The following SRXN1 variants were observed in gnomAD, a reference collection of about 807,000 sequenced individuals.
SRXN1 encodes sulfiredoxin 1, also known as sulfiredoxin-1.
A neutral mutation model predicts 11.0 loss-of-function variants in SRXN1; 11 were observed. That is an observed-to-expected ratio of 1.00 (90% CI 0.63 to 1.65). SRXN1 has a LOEUF of 1.65. Among genes scored for constraint, SRXN1 ranks in the 40% most tolerant of loss-of-function variants. The pLI, the probability that SRXN1 is intolerant of heterozygous loss-of-function variation, is 0.00. For synonymous variants in SRXN1, 106 were observed against 92.8 expected, an observed-to-expected ratio of 1.14 and a Z score of -0.82; for missense variants, 211 against 194.5, an observed-to-expected ratio of 1.08 and a Z score of -0.50.
At position 648,897 on chromosome 20, in the gene SRXN1, G is replaced by T; in HGVS notation, c.231C>A (p.Pro77=). ...DTIREDPDSV[P]PIDVLWIKGA... is the part of the protein sequence containing the mutation. ...CTTTGATCCAGAGGACATCGATGGGGGGCACGCTGTCTGGGTCCTCCTGGG... is the reference window on the plus strand; with the variant it reads ...CTTTGATCCAGAGGACATCGATGGGTGGCACGCTGTCTGGGTCCTCCTGGG... Residue 77 remains proline, a synonymous_variant, in exon 2 of 2, where the codon CCC becomes CCA. Transcript: ENST00000381962. 1 of 1,614,154 alleles carries T rather than the reference G, an allele frequency of 6.2e-7. No individual in the cohort carries two copies.
At position 649,668 on chromosome 20, in the gene SRXN1, C is replaced by T. The variant is rs550676826; in HGVS notation, c.211-751G>A. Among the ~76,000 whole-genome samples the T allele has an allele frequency of 5.3e-5, 8 of 150,764 alleles. 1 individual carries two copies. In the South Asian group the frequency reaches 1.7e-3, roughly 32 times the overall value. On this transcript the variant is annotated intron_variant, in intron 1 of 1. Coordinates refer to ENST00000381962, the MANE Select transcript of SRXN1 (RefSeq NM_080725.3). Reference sequence around the variant, plus strand: ...AGTGAGCTGAGATCGCACCATTGCACTCCAGCCTCGGCGATGGAACGAGAA... The same window carrying T: ...AGTGAGCTGAGATCGCACCATTGCATTCCAGCCTCGGCGATGGAACGAGAA...
chr20:652,315 C>T (rs6085283), intron 1 of SRXN1, among the ~76,000 whole-genome samples: 56,814 of 151,934 alleles, frequency 0.37, 11,150 homozygotes, highest in Non-Finnish European at 0.44. Context: ...GGGGACACAA[C>T]GTTATGTAGG....
In SRXN1 at chr20:653,138, C is replaced by A; in HGVS notation, c.48G>T (p.Arg16=). The change falls in exon 1 of 2, where the codon CGG becomes CGT. Residue 16 remains arginine, a synonymous_variant. Coordinates refer to ENST00000381962, the MANE Select transcript of SRXN1 (RefSeq NM_080725.3). ...GGTLGRAGAG[R]GAPEGPGPSG... ...TCGGCCCGGGCCCCTCGGGCGCCCC[C>A]CGACCCGCGCCGGCCCTGCCCAGCG... 1 of 1,283,498 alleles carries A rather than the reference C, an allele frequency of 7.8e-7. No homozygotes were observed. 79.5% of individuals were successfully genotyped at this position (1,283,498 alleles called of 1,614,324 possible). A position where few individuals can be genotyped will look rare whatever the true frequency, so the allele number is the denominator to read the frequency against.
chr20:649,053 A>G, intron 1 of SRXN1, 136 bp from the exon 2 acceptor site: 1 of 940,732 alleles, frequency 1.1e-6, no homozygotes. Context: ...GTTAATTATC[A>G]GGAATTTTGT....
chr20:650,348 T>C (rs1600465062), intron 1 of SRXN1, among the ~76,000 whole-genome samples: 1 of 151,848 alleles, frequency 6.6e-6, no homozygotes, highest in Non-Finnish European at 1.5e-5. Flanking sequence ...TTGGGACACA[T>C]TTACGGGGCA....
At position 648,814 on chromosome 20, in the gene SRXN1, T is replaced by C; in HGVS notation, c.314A>G (p.Tyr105Cys). The change falls in exon 2 of 2, where the codon TAC becomes TGC. Residue 105 changes from tyrosine to cysteine, a missense_variant. By Grantham distance (194) the Tyr-to-Cys change is radical (BLOSUM62 -2). Coordinates refer to ENST00000381962, the MANE Select transcript of SRXN1 (RefSeq NM_080725.3). ...GATGGTCTCTCGCTGCAGTTGCTGG[T>C]AGGCCGCGTAGCGGTGGCAGCCCCC... ...SFGGCHRYAA[Y>C]QQLQRETIPA... The C allele has an allele frequency of 6.2e-7, 1 of 1,614,196 alleles. No homozygotes were observed. The highest frequency in any genetic ancestry group is 8.5e-7 in the Non-Finnish European group (1 of 1,180,022).
At chr20:652,355 C>G (rs1382979511) in intron 1 of SRXN1, among the ~76,000 whole-genome samples, 1 of 152,118 alleles carries the variant, frequency 6.6e-6, no homozygotes, top group East Asian at 1.9e-4. Context: ...TTGCGGGGCC[C>G]CCAAGTTCCT....
At chr20:650,136 C>A (rs1302881031) in intron 1 of SRXN1, among the ~76,000 whole-genome samples, 1 of 152,136 alleles carries the variant, frequency 6.6e-6, no homozygotes, top group Non-Finnish European at 1.5e-5. Context: ...CTTCTGAGAG[C>A]AGTGGGTGGG....
chr20:649,898 T>C (rs769669439), intron 1 of SRXN1, among the ~76,000 whole-genome samples: 1 of 152,172 alleles, frequency 6.6e-6, no homozygotes, highest in Non-Finnish European at 1.5e-5. Flanking sequence ...TGGGTTAATA[T>C]ATATAAAGCA....
At chr20:652,883 C>T in intron 1 of SRXN1, 93 bp downstream of exon 1, 1 of 1,304,512 alleles carries the variant, frequency 7.7e-7, no homozygotes, top group Non-Finnish European at 9.8e-7. Context: ...CGGAACCAGT[C>T]CGTCTCGCGT....
chr20:652,827 C>T, intron 1 of SRXN1, 149 bp downstream of exon 1: 1 of 1,235,272 alleles, frequency 8.1e-7, no homozygotes. Flanking sequence ...AGAGGCCCAG[C>T]TACTTGCTCA....
Position 648,467 on chromosome 20 carries a change from TCTC to T in SRXN1, c.*244_*246del. 1 of 647,486 alleles carries T rather than the reference TCTC, an allele frequency of 1.5e-6. No individual in the cohort carries two copies. Among genetic ancestry groups the T allele is most frequent in the Non-Finnish European group, 2.8e-6 (1 of 351,280 alleles). 40.1% of individuals were successfully genotyped at this position (647,486 alleles called of 1,614,324 possible). On this transcript the variant is annotated 3_prime_UTR_variant, in exon 2 of 2. Transcript: ENST00000381962. ...CGTGGCTCTTCAAGCCCATCTCTGT[TCTC>T]CTTCTCGGTAATGCTTCAAGGGTAA...
At chr20:649,082 T>C (rs543362585) in intron 1 of SRXN1, among the ~76,000 whole-genome samples, 165 bp from the exon 2 acceptor site, 2 of 152,348 alleles carry the variant, frequency 1.3e-5, no homozygotes, top group Non-Finnish European at 2.9e-5. Context: ...CGACATCACC[T>C]TGTAGCTTGA....
At chr20:649,052 C>A (rs1011773363) in intron 1 of SRXN1, 135 bp from the exon 2 acceptor site, 1 of 952,150 alleles carries the variant, frequency 1.1e-6, no homozygotes, top group Non-Finnish European at 1.6e-6. Flanking sequence ...TGTTAATTAT[C>A]AGGAATTTTG....
intron 1 of SRXN1, among the ~76,000 whole-genome samples, chr20:651,018 A>AG (rs1296893221): frequency 6.6e-6 from 1 of 152,256 alleles, no homozygotes; most frequent in Non-Finnish European, 1.5e-5. Flanking sequence ...TGCCATTATC[A>AG]GGGTCCTTAA....
intron 1 of SRXN1, 114 bp from the exon 2 acceptor site, chr20:649,031 T>A: frequency 9.1e-7 from 1 of 1,093,372 alleles, no homozygotes; most frequent in Non-Finnish European, 1.3e-6. Context: ...TGGACTACTG[T>A]GAGAGACAAC....
At chr20:651,415 G>A (rs1358721724) in intron 1 of SRXN1, among the ~76,000 whole-genome samples, 1 of 152,202 alleles carries the variant, frequency 6.6e-6, no homozygotes, top group African/African-American at 2.4e-5. Context: ...GACGTTAAAA[G>A]CCAGTGGGCT....
intron 1 of SRXN1, among the ~76,000 whole-genome samples, chr20:649,559 G>A (rs1983621105): frequency 1.3e-5 from 2 of 152,116 alleles, no homozygotes; most frequent in Non-Finnish European, 2.9e-5. Flanking sequence ...AAAATTAGCT[G>A]GGCATGGTGG....
chr20:649,522 C>T (rs1192753968), intron 1 of SRXN1, among the ~76,000 whole-genome samples: 3 of 151,982 alleles, frequency 2.0e-5, no homozygotes, highest in Non-Finnish European at 4.4e-5. Flanking sequence ...GCCAAAATGG[C>T]ACAACCCTGT....
Sources: gnomAD v4.1 joint callset for allele counts (sites outside exome capture counted in the v4.1 genomes callset) on GRCh38, gnomAD v4.1.1 for gene constraint, MANE v1.5 for transcripts, NCBI Gene and HGNC (gene_info 2026-07-23, HGNC 2026-07-21) for gene names.